The following PLEKHA7 variants were observed in gnomAD, a reference collection of about 807,000 sequenced individuals.
The protein encoded by PLEKHA7 is pleckstrin homology domain containing A7.
In PLEKHA7, 104 loss-of-function variants were observed where a neutral mutation model predicts 170.0. The observed-to-expected ratio is 0.61, with a 90% CI of 0.52 to 0.72. The LOEUF is 0.72. Ranked by LOEUF, PLEKHA7 falls within the 30% of genes least tolerant of loss-of-function variation. PLEKHA7 has a pLI of 0.00. For synonymous variants in PLEKHA7, 648 were observed against 660.8 expected (o/e 0.98, Z 0.30); for missense variants, 1,615 against 1,671.7 (o/e 0.97, Z 0.59).
intron 3 of PLEKHA7, among the ~76,000 whole-genome samples, chr11:16,937,192 G>C (rs911383831): frequency 1.3e-5 from 2 of 152,130 alleles, no homozygotes; most frequent in African/African-American, 4.8e-5. Context: ...AAAGGGCCTT[G>C]ATTTCCTGGG....
At position 16,789,237 on chromosome 11, in the gene PLEKHA7, A is replaced by G. The variant is rs778611040; in HGVS notation, c.3216T>C (p.Ser1072=). Reference sequence around the variant, plus strand: ...TCATGCGCTCCAGCTGCTCCTCTGCACTCATCTTGCCTCGCTGGTGATCCC... The same window carrying G: ...TCATGCGCTCCAGCTGCTCCTCTGCGCTCATCTTGCCTCGCTGGTGATCCC... ...YSGDHQRGKM[S]AEEQLERMKR... Residue 1072 remains serine, a synonymous_variant, in exon 23 of 27, where the codon AGT becomes AGC. Coordinates refer to ENST00000531066, the MANE Select transcript of PLEKHA7 (RefSeq NM_001329630.2). The surrounding 1 kb of genome is among the most constrained non-coding windows in gnomAD (Gnocchi z 4.6). 27 of 1,613,502 alleles carry G rather than the reference A, an allele frequency of 1.7e-5. No individual in the cohort carries two copies. The highest frequency in any genetic ancestry group is 2.2e-5 in the Non-Finnish European group (26 of 1,180,026).
At chr11:17,000,544 C>G (rs1002773869) in intron 3 of PLEKHA7, among the ~76,000 whole-genome samples, 1 of 152,212 alleles carries the variant, frequency 6.6e-6, no homozygotes, top group East Asian at 1.9e-4. Flanking sequence ...CTTTCTCCCT[C>G]TGGCTAGCCT....
chr11:16,933,766 T>C (rs1860101135), intron 3 of PLEKHA7, among the ~76,000 whole-genome samples: 1 of 152,220 alleles, frequency 6.6e-6, no homozygotes, highest in Non-Finnish European at 1.5e-5. Flanking sequence ...ATGTAATCAG[T>C]GGCATCTCAT....
At chr11:16,815,746 C>G (rs908937266) in intron 12 of PLEKHA7, among the ~76,000 whole-genome samples, 1 of 152,090 alleles carries the variant, frequency 6.6e-6, no homozygotes, top group Non-Finnish European at 1.5e-5. Context: ...GAACTCCTGG[C>G]CTCAAATGAT....
intron 8 of PLEKHA7, among the ~76,000 whole-genome samples, chr11:16,845,962 T>G (rs1345545108): frequency 6.6e-6 from 1 of 152,086 alleles, no homozygotes; most frequent in Non-Finnish European, 1.5e-5. Flanking sequence ...GTTTACAACT[T>G]GCAGAGGTAG....
chr11:16,851,096 TC>T, intron 8 of PLEKHA7, 94 bp downstream of exon 8: 2 of 900,760 alleles, frequency 2.2e-6, no homozygotes, highest in Non-Finnish European at 3.3e-6. Context: ...TCTAGCTTCT[TC>T]CCCCTCCCGA....
rs751822590 is a variant in PLEKHA7, at chr11:17,006,327, T to TAA, written c.221+7660_221+7661dup. ...TGGGCAACAAGAATGAAACTCCATC[T>TAA]AAAAAAAAAAAAAAAACGTCCAGGC... is the stretch of plus-strand genomic sequence containing the variant. On this transcript the variant is annotated intron_variant, in intron 3 of 26. Transcript: ENST00000531066. Among the ~76,000 whole-genome samples, 704 of 84,832 alleles carry TAA rather than the reference T, an allele frequency of 8.3e-3. 4 individuals are homozygous for TAA. Among genetic ancestry groups the TAA allele is most frequent in the African/African-American group, 0.03 (672 of 22,172 alleles). 55.7% of individuals were successfully genotyped at this position (84,832 alleles called of 152,430 possible). A position where few individuals can be genotyped will look rare whatever the true frequency, so the allele number is the denominator to read the frequency against.
intron 3 of PLEKHA7, among the ~76,000 whole-genome samples, chr11:16,962,330 CT>C (rs1479280622): frequency 6.6e-6 from 1 of 152,204 alleles, no homozygotes; most frequent in Non-Finnish European, 1.5e-5. Context: ...TAAAAAGACT[CT>C]TGGCGACCAG....
chr11:16,834,528 G>A (rs1448785929), intron 9 of PLEKHA7, among the ~76,000 whole-genome samples: 12 of 152,126 alleles, frequency 7.9e-5, no homozygotes, highest in Admixed American at 7.9e-4. Context: ...AGTTTCTTTA[G>A]TCCCAAGACA....
intron 3 of PLEKHA7, among the ~76,000 whole-genome samples, chr11:16,981,431 G>C (rs977944651): frequency 6.6e-6 from 1 of 152,072 alleles, no homozygotes; most frequent in Non-Finnish European, 1.5e-5. Flanking sequence ...TGACCACCCT[G>C]GTCCACGGAA....
chr11:17,005,111 A>G (rs1272141878), intron 3 of PLEKHA7, among the ~76,000 whole-genome samples: 1 of 91,834 alleles, frequency 1.1e-5, no homozygotes, highest in Non-Finnish European at 2.4e-5. Context: ...CTGTCACCTC[A>G]GACTTAACGG....
At chr11:16,993,415 C>T (rs1245355381) in intron 3 of PLEKHA7, among the ~76,000 whole-genome samples, 2 of 152,130 alleles carry the variant, frequency 1.3e-5, no homozygotes, top group Non-Finnish European at 1.5e-5. Flanking sequence ...CTCTACTCAA[C>T]CAGAAACAAC....
chr11:16,958,673 A>T (rs2136580789), intron 3 of PLEKHA7, among the ~76,000 whole-genome samples: 1 of 152,376 alleles, frequency 6.6e-6, no homozygotes, highest in Non-Finnish European at 1.5e-5. Context: ...ATACAGATGT[A>T]TACATGGAGA....
intron 13 of PLEKHA7, among the ~76,000 whole-genome samples, chr11:16,807,719 C>T (rs1020303464): frequency 3.3e-5 from 5 of 152,184 alleles, no homozygotes; most frequent in African/African-American, 1.2e-4. Context: ...TACCCATGGT[C>T]CCAAATGCTT....
chr11:16,826,669 C>G, intron 9 of PLEKHA7, 79 bp from the exon 10 acceptor site: 1 of 1,281,272 alleles, frequency 7.8e-7, no homozygotes, highest in Non-Finnish European at 1.1e-6. Flanking sequence ...CAATCACCTG[C>G]AGGCCTTTGC....
At chr11:16,852,449 C>G in intron 6 of PLEKHA7, 94 bp from the exon 7 acceptor site, 2 of 973,030 alleles carry the variant, frequency 2.1e-6, no homozygotes, top group Non-Finnish European at 3.1e-6. Context: ...CAAATATTTG[C>G]CCATATTCAC....
At chr11:16,960,874 T>A (rs1352520476) in intron 3 of PLEKHA7, among the ~76,000 whole-genome samples, 2 of 151,998 alleles carry the variant, frequency 1.3e-5, no homozygotes, top group Non-Finnish European at 2.9e-5. Flanking sequence ...GGGGCTGGCC[T>A]AGGCTGGGAA....
intron 4 of PLEKHA7, among the ~76,000 whole-genome samples, chr11:16,861,597 C>T (rs566913435): frequency 2.0e-5 from 3 of 152,056 alleles, no homozygotes; most frequent in East Asian, 1.9e-4. Context: ...TGTAGTGAGC[C>T]GAGATCACGT....
intron 3 of PLEKHA7, among the ~76,000 whole-genome samples, chr11:16,955,885 C>T (rs1055119929): frequency 6.6e-6 from 1 of 152,028 alleles, no homozygotes; most frequent in Admixed American, 6.6e-5. Context: ...ATTCTAGAGA[C>T]CATACATAGT....
Sources: allele counts gnomAD v4.1 joint callset (sites outside exome capture counted in the v4.1 genomes callset), GRCh38; gene constraint gnomAD v4.1.1; non-coding constraint Gnocchi (gnomAD v3.1); transcripts MANE v1.5; gene names NCBI Gene and HGNC (gene_info 2026-07-23, HGNC 2026-07-21).